Variants in STEAP1B observed in about 807,000 individuals in gnomAD.
The protein encoded by STEAP1B is STEAP family protein MGC87042.
STEAP1B carries 13 observed loss-of-function variants against 27.9 expected under a neutral mutation model. The observed-to-expected ratio is 0.47, with a 90% CI of 0.30 to 0.74. The LOEUF is 0.74. Ranked by LOEUF, STEAP1B falls within the 30% of genes least tolerant of loss-of-function variation. STEAP1B has a pLI of 0.06. For synonymous variants in STEAP1B, 86 were observed against 107.1 expected, an observed-to-expected ratio of 0.80 and a Z score of 1.22; for missense variants, 250 against 298.7, an observed-to-expected ratio of 0.84 and a Z score of 1.20.
In STEAP1B at chr7:22,494,776, T is replaced by C; in HGVS notation, c.80A>G (p.Tyr27Cys). The change falls in exon 2 of 5, where the codon TAT (tyrosine) becomes TGT (cysteine). Residue 27 changes from tyrosine (Y) to cysteine (C), a missense_variant. Physicochemically the swap from Tyr to Cys is radical, Grantham distance 194. Transcript: ENST00000678116. ...TTGTCATTATTAATATTTTACCAAA[T>C]AATCGTTGTCTTCTAAATTTCTCCT... ...KPRRNLEDNDYLHEDTGETSM... is the reference protein window; with the variant it reads ...KPRRNLEDNDCLHEDTGETSM... 2 of 1,524,104 alleles carry C rather than the reference T, an allele frequency of 1.3e-6. No homozygotes were observed. The highest frequency in any genetic ancestry group is 1.8e-6 in the Non-Finnish European group (2 of 1,117,142). The allele number at this position is 1,524,104 out of a possible 1,614,324, so 94.4% of individuals were successfully genotyped here.
intron 4 of STEAP1B, among the ~76,000 whole-genome samples, chr7:22,445,451 G>C (rs949944340): frequency 6.6e-6 from 1 of 152,254 alleles, no homozygotes; most frequent in Non-Finnish European, 1.5e-5. Flanking sequence ...GGATCTGCCG[G>C]CAGCCTTGTG....
intron 4 of STEAP1B, among the ~76,000 whole-genome samples, chr7:22,433,240 T>C (rs959443731): frequency 6.6e-6 from 1 of 152,158 alleles, no homozygotes; most frequent in African/African-American, 2.4e-5. Context: ...ACCAGACTTC[T>C]GTAACAGCCA....
Position 22,493,622 on chromosome 7 carries a change from G to C in STEAP1B, c.299C>G (p.Thr100Ser), listed in dbSNP as rs1786382993. 6.2e-7 allele frequency: 1 copy of C among 1,613,972 alleles called. No individual in the cohort carries two copies. Among genetic ancestry groups the C allele is most frequent in the Non-Finnish European group, 8.5e-7 (1 of 1,179,862 alleles). ...TTTATAAAAATATTGTTGATGGGAA[G>C]TTGCTAAAGGGTGAATTACTTCCCT... is the stretch of plus-strand genomic sequence containing the variant. Reference protein sequence around the residue: ...LLREVIHPLATSHQQYFYKIP... With the variant: ...LLREVIHPLASSHQQYFYKIP... Residue 100 changes from threonine to serine, a missense_variant, in exon 3 of 5, where the codon ACT (threonine) becomes AGT (serine). Physicochemically the swap from Thr to Ser is moderately conservative, Grantham distance 58. Coordinates refer to ENST00000678116, the MANE Select transcript of STEAP1B (RefSeq NM_001382447.1).
Position 22,462,916 on chromosome 7 carries a change from T to G in STEAP1B, c.762+29649A>C, listed in dbSNP as rs553015008. 2.1e-4 allele frequency among the ~76,000 whole-genome samples: 32 copies of G among 152,366 alleles called. No individual in the cohort carries two copies. In the South Asian group the frequency reaches 5.4e-3, roughly 26 times the overall value. ...CTGTTGTTTCCTGACTTTTTAATGA[T>G]TGCCCTTCTAACTGGTGTGAGATAG... On this transcript the variant is annotated intron_variant, in intron 4 of 4. Coordinates refer to ENST00000678116, the MANE Select transcript of STEAP1B (RefSeq NM_001382447.1).
intron 4 of STEAP1B, among the ~76,000 whole-genome samples, chr7:22,451,550 T>A (rs183790959): frequency 1.3e-5 from 2 of 152,236 alleles, no homozygotes; most frequent in Non-Finnish European, 2.9e-5. Flanking sequence ...CGTGGCTTTT[T>A]TTATGTTGAG....
intron 4 of STEAP1B, among the ~76,000 whole-genome samples, chr7:22,478,416 G>A (rs999936824): frequency 2.6e-5 from 4 of 152,250 alleles, no homozygotes; most frequent in African/African-American, 4.8e-5. Flanking sequence ...TGCTCTAATC[G>A]TAATGTTCTC....
chr7:22,456,972 A>ATATATATATTTTTTTTTTTTTTTTT, intron 4 of STEAP1B, among the ~76,000 whole-genome samples: 12 of 57,062 alleles, frequency 2.1e-4, no homozygotes, highest in Non-Finnish European at 3.6e-4. Flanking sequence ...ATATATATAT[A>ATATATATATTTTTTTTTTTTTTTTT]TTTTTTTTTT....
chr7:22,494,281 A>G (rs1257941476), intron 2 of STEAP1B, among the ~76,000 whole-genome samples: 2 of 151,732 alleles, frequency 1.3e-5, no homozygotes, highest in African/African-American at 2.4e-5. Context: ...GTTTGACCAA[A>G]AGTGGAAAAA....
At chr7:22,472,205 C>G (rs1785897531) in intron 4 of STEAP1B, among the ~76,000 whole-genome samples, 1 of 152,144 alleles carries the variant, frequency 6.6e-6, no homozygotes, top group Non-Finnish European at 1.5e-5. Context: ...CTGAGAAGAG[C>G]ACACCTAAGC....
At position 22,481,759 on chromosome 7, in the gene STEAP1B, T is replaced by C. The variant is rs575642943; in HGVS notation, c.762+10806A>G. Among the ~76,000 whole-genome samples, 70 of 152,270 alleles carry C rather than the reference T, an allele frequency of 4.6e-4. No individual in the cohort carries two copies. In the South Asian group the frequency reaches 0.014, roughly 31 times the overall value. ...TAGAGGGCTATGCCATTGCAGGTGCTCCCCAGATGAACACAGTCACGTAAA... is the reference window on the plus strand; with the variant it reads ...TAGAGGGCTATGCCATTGCAGGTGCCCCCCAGATGAACACAGTCACGTAAA... On this transcript the variant is annotated intron_variant, in intron 4 of 4. Transcript: ENST00000678116.
chr7:22,438,257 C>T (rs780200406), intron 4 of STEAP1B, among the ~76,000 whole-genome samples: 24 of 152,332 alleles, frequency 1.6e-4, no homozygotes, highest in Middle Eastern at 3.4e-3. Flanking sequence ...CAAAGTCATA[C>T]GCACTGCTTC....
intron 4 of STEAP1B, among the ~76,000 whole-genome samples, chr7:22,483,678 C>T (rs576121874): frequency 1.3e-5 from 2 of 152,158 alleles, no homozygotes; most frequent in South Asian, 2.1e-4. Context: ...ATGTTACTAC[C>T]GTAATTGTTT....
chr7:22,474,369 T>C (rs1472697841), intron 4 of STEAP1B, among the ~76,000 whole-genome samples: 1 of 152,156 alleles, frequency 6.6e-6, no homozygotes, highest in African/African-American at 2.4e-5. Flanking sequence ...TGATATTACA[T>C]ATCTGAGATA....
chr7:22,420,838 T>C (rs1236541582), intron 4 of STEAP1B, among the ~76,000 whole-genome samples: 1 of 152,196 alleles, frequency 6.6e-6, no homozygotes, highest in Non-Finnish European at 1.5e-5. Context: ...AACAACCCTG[T>C]GAAGAAGGCA....
At chr7:22,445,519 G>A (rs1785396516) in intron 4 of STEAP1B, among the ~76,000 whole-genome samples, 2 of 152,274 alleles carry the variant, frequency 1.3e-5, no homozygotes, top group East Asian at 1.9e-4. Flanking sequence ...TTGGCAGCCA[G>A]CTTCACTTGG....
chr7:22,444,454 T>C (rs1785379304), intron 4 of STEAP1B, among the ~76,000 whole-genome samples: 1 of 152,212 alleles, frequency 6.6e-6, no homozygotes, highest in Admixed American at 6.5e-5. Flanking sequence ...AAAATATAAA[T>C]TCCTTTCTGC....
intron 4 of STEAP1B, among the ~76,000 whole-genome samples, chr7:22,489,611 C>G (rs1270495290): frequency 6.6e-6 from 1 of 152,136 alleles, no homozygotes; most frequent in Non-Finnish European, 1.5e-5. Context: ...CACAGGTGAA[C>G]AGCATGTGAC....
At position 22,444,434 on chromosome 7, in the gene STEAP1B, A is replaced by C. The variant is rs1404120062; in HGVS notation, c.763-24598T>G. On this transcript the variant is annotated intron_variant, in intron 4 of 4. Transcript: ENST00000678116. Reference sequence around the variant, plus strand: ...CCTGTTTCCCTGTTTTAAAAAAAAAAAGTAAAAAGAAAATATAAATTCCTT... The same window carrying C: ...CCTGTTTCCCTGTTTTAAAAAAAAACAGTAAAAAGAAAATATAAATTCCTT... 2.6e-5 allele frequency among the ~76,000 whole-genome samples: 4 copies of C among 151,960 alleles called. No homozygotes were observed. In the East Asian group the frequency reaches 7.7e-4, roughly 29 times the overall value.
chr7:22,436,436 C>T (rs927999779), intron 4 of STEAP1B, among the ~76,000 whole-genome samples: 5 of 134,840 alleles, frequency 3.7e-5, no homozygotes, highest in Non-Finnish European at 8.5e-5. Context: ...TTTAAGTTCA[C>T]GGTCACATGT....
Sources: allele counts gnomAD v4.1 joint callset (sites outside exome capture counted in the v4.1 genomes callset), GRCh38; gene constraint gnomAD v4.1.1; transcripts MANE v1.5; gene names NCBI Gene and HGNC (gene_info 2026-07-23, HGNC 2026-07-21).